GRM7: variants seen among roughly 807,000 people sequenced by gnomAD.
GRM7 encodes the protein glutamate metabotropic receptor 7, also known as metabotropic glutamate receptor 7.
A neutral mutation model predicts 84.5 loss-of-function variants in GRM7; 35 were observed. The observed-to-expected ratio is 0.41, with a 90% CI of 0.32 to 0.55. The LOEUF (loss-of-function observed/expected upper bound fraction) is 0.55, where lower values mean the gene tolerates loss of function less well. GRM7 is among the 20% of genes least tolerant of loss of function. The pLI is 0.19. For missense variants in GRM7, 1,003 were observed against 1,194.6 expected (o/e 0.84, Z 2.36); for synonymous variants, 487 against 455.1 (o/e 1.07, Z -0.89).
intron 1 of GRM7, among the ~76,000 whole-genome samples, chr3:6,900,119 G>T (rs1053571452): frequency 1.3e-5 from 2 of 152,172 alleles, no homozygotes; most frequent in African/African-American, 4.8e-5. Context: ...ACTAAAAGGG[G>T]AATATGTTTA....
chr3:7,087,972 G>T (rs1461941779), intron 1 of GRM7, among the ~76,000 whole-genome samples: 8 of 152,148 alleles, frequency 5.3e-5, no homozygotes, highest in Admixed American at 4.6e-4. Context: ...AGCCAGACAG[G>T]CCTGGGTTTT....
intron 8 of GRM7, among the ~76,000 whole-genome samples, chr3:7,587,006 C>A (rs552590500): frequency 6.6e-6 from 1 of 152,278 alleles, no homozygotes; most frequent in Non-Finnish European, 1.5e-5. Context: ...TGAAGAATTA[C>A]AACGAGGCAT....
At chr3:7,100,632 TAACTG>T (rs1699078339) in intron 1 of GRM7, among the ~76,000 whole-genome samples, 1 of 151,760 alleles carries the variant, frequency 6.6e-6, no homozygotes. Context: ...CGACTTTTCT[TAACTG>T]AAGAAAAATT....
chr3:7,570,768 G>T (rs116721134), intron 7 of GRM7, among the ~76,000 whole-genome samples: 3,002 of 152,218 alleles, frequency 0.02, 90 homozygotes, highest in African/African-American at 0.067. Context: ...TCTGTTTGGG[G>T]GCTCTCACCC....
chr3:7,706,924 G>A (rs972964861), intron 9 of GRM7, among the ~76,000 whole-genome samples: 3 of 152,106 alleles, frequency 2.0e-5, no homozygotes, highest in Non-Finnish European at 1.5e-5. Flanking sequence ...AGCAAAGATC[G>A]TCTCCAAGGA....
At chr3:6,917,944 C>T (rs887834745) in intron 1 of GRM7, among the ~76,000 whole-genome samples, 3 of 152,146 alleles carry the variant, frequency 2.0e-5, no homozygotes, top group African/African-American at 7.2e-5. Context: ...TGCACCAATA[C>T]CATCCTGCCT....
chr3:7,480,822 T>C (rs1334943404), intron 7 of GRM7, among the ~76,000 whole-genome samples: 8 of 152,212 alleles, frequency 5.3e-5, no homozygotes, highest in Non-Finnish European at 1.2e-4. Context: ...TCTGATTCTA[T>C]TGAAGCAACC....
At chr3:7,258,797 C>T (rs567860915) in intron 2 of GRM7, among the ~76,000 whole-genome samples, 4 of 152,214 alleles carry the variant, frequency 2.6e-5, no homozygotes, top group East Asian at 1.9e-4. Context: ...CTGAGGACAT[C>T]GATGCCACCC....
intron 1 of GRM7, among the ~76,000 whole-genome samples, chr3:6,952,936 A>G: frequency 6.6e-6 from 1 of 152,228 alleles, no homozygotes; most frequent in Admixed American, 6.5e-5. Context: ...CAAAATTCCA[A>G]CGACAATGGA....
chr3:7,437,328 C>A (rs1479158782), intron 5 of GRM7, among the ~76,000 whole-genome samples: 1 of 152,092 alleles, frequency 6.6e-6, no homozygotes, highest in Non-Finnish European at 1.5e-5. Context: ...TTTCTCTATC[C>A]ACTTCTCTCT....
rs1209938099 is a variant in GRM7 at position 7,093,676 on chromosome 3, C to CAAAA, written c.520-52741_520-52738dup. Among the ~76,000 whole-genome samples the CAAAA allele has an allele frequency of 5.8e-3, 81 of 13,946 alleles. 27 individuals are homozygous for CAAAA. Among genetic ancestry groups the CAAAA allele is most frequent in the East Asian group, 0.02 (6 of 306 alleles). The allele number at this position is 13,946 out of a possible 152,430, so 9.1% of individuals were successfully genotyped here. ...TGGGCGATAGAGCAAGACTCTGTCT[C>CAAAA]AAAAAAAAAAAAAAAAAAAAAAAAA... On this transcript the variant is annotated intron_variant, in intron 1 of 9. Coordinates refer to ENST00000357716, the MANE Select transcript of GRM7 (RefSeq NM_000844.4).
At chr3:7,703,648 GC>G (rs1194590396) in intron 9 of GRM7, among the ~76,000 whole-genome samples, 2 of 152,060 alleles carry the variant, frequency 1.3e-5, no homozygotes, top group Non-Finnish European at 2.9e-5. Context: ...CTACCATCTG[GC>G]CCAGTCTTTC....
At chr3:7,388,923 TG>T (rs1694888383) in intron 4 of GRM7, among the ~76,000 whole-genome samples, 1 of 152,114 alleles carries the variant, frequency 6.6e-6, no homozygotes, top group Admixed American at 6.5e-5. Context: ...TTGCTAGCTT[TG>T]GGATTAGTTT....
rs58198798 is a variant in GRM7, at chr3:7,730,082, A to C, written c.2699-10275A>C. Among the ~76,000 whole-genome samples, 24 of 142,692 alleles carry C rather than the reference A, an allele frequency of 1.7e-4. No homozygotes were observed. The East Asian group carries it at 3.9e-3, about 23-fold the overall frequency. The allele number at this position is 142,692 out of a possible 152,430, so 93.6% of individuals were successfully genotyped here. ...TAGAGACAGGGTTTCACCATGTTGGACAGGCTGGTTTCGATCTGTTGACCT... is the reference window on the plus strand; with the variant it reads ...TAGAGACAGGGTTTCACCATGTTGGCCAGGCTGGTTTCGATCTGTTGACCT... On this transcript the variant is annotated intron_variant, in intron 9 of 9. Coordinates refer to ENST00000357716, the MANE Select transcript of GRM7 (RefSeq NM_000844.4).
At chr3:7,646,499 G>A (rs1698647449) in intron 8 of GRM7, among the ~76,000 whole-genome samples, 1 of 152,062 alleles carries the variant, frequency 6.6e-6, no homozygotes, top group Non-Finnish European at 1.5e-5. Context: ...GCTGACCACA[G>A]TCAATTTTTA....
At chr3:7,139,671 T>C (rs1338630728) in intron 1 of GRM7, among the ~76,000 whole-genome samples, 1 of 151,980 alleles carries the variant, frequency 6.6e-6, no homozygotes, top group African/African-American at 2.4e-5. Context: ...TAGAGTGATA[T>C]GTCGATACAG....
chr3:7,515,012 G>T (rs1700327180), intron 7 of GRM7, among the ~76,000 whole-genome samples: 1 of 151,856 alleles, frequency 6.6e-6, no homozygotes, highest in African/African-American at 2.4e-5. Flanking sequence ...TTTTGGTTCT[G>T]TGTGACCTTA....
At chr3:7,347,671 G>C (rs575124979) in intron 4 of GRM7, among the ~76,000 whole-genome samples, 3 of 152,122 alleles carry the variant, frequency 2.0e-5, no homozygotes, top group Non-Finnish European at 4.4e-5. Flanking sequence ...TTGACCAAAT[G>C]TAAGGCATAC....
chr3:7,726,177 A>G (rs1217489181), intron 9 of GRM7, among the ~76,000 whole-genome samples: 2 of 152,092 alleles, frequency 1.3e-5, no homozygotes, highest in Non-Finnish European at 1.5e-5. Flanking sequence ...TGGGGGTATT[A>G]GATTGCGTAG....
Sources: allele counts gnomAD v4.1 joint callset (sites outside exome capture counted in the v4.1 genomes callset), GRCh38; gene constraint gnomAD v4.1.1; transcripts MANE v1.5; gene names NCBI Gene and HGNC (gene_info 2026-07-23, HGNC 2026-07-21).